The following ITPR2 variants were observed in gnomAD, a reference collection of about 807,000 sequenced individuals.
The protein encoded by ITPR2 is inositol 1,4,5-trisphosphate receptor type 2.
ITPR2 carries 207 observed loss-of-function variants against 317.1 expected under a neutral mutation model. The ratio of observed to expected loss-of-function variants is 0.65; its 90% CI spans 0.58 to 0.73. The LOEUF (loss-of-function observed/expected upper bound fraction) is 0.73, where lower values mean the gene tolerates loss of function less well. Ranked by LOEUF, ITPR2 falls within the 30% of genes least tolerant of loss-of-function variation. ITPR2 has a pLI of 0.00. For synonymous variants in ITPR2, 1,156 were observed against 1,149.1 expected, an observed-to-expected ratio of 1.01 and a Z score of -0.12; for missense variants, 2,613 against 3,284.0, an observed-to-expected ratio of 0.80 and a Z score of 4.99.
chr12:26,382,898 T>C (rs1241728009), intron 55 of ITPR2, among the ~76,000 whole-genome samples: 1 of 152,232 alleles, frequency 6.6e-6, no homozygotes, highest in Non-Finnish European at 1.5e-5. Context: ...AGATACAATA[T>C]TCTCTATTAT....
intron 56 of ITPR2, 56 bp from the exon 57 acceptor site, chr12:26,339,539 T>G: frequency 7.2e-7 from 1 of 1,381,274 alleles, no homozygotes. Flanking sequence ...TACCCAGTGC[T>G]GGTGGGCCAC....
rs149864720 is a variant in ITPR2 at position 26,430,048 on chromosome 12, G to C, written c.6770-1960C>G. The stretch of plus-strand genomic sequence containing the variant: ...AATTATAGTCAGGCACTTAAAATTG[G>C]GTGTTTGATCCCTTTGTGAAAAGAA... On this transcript the variant is annotated intron_variant, in intron 48 of 56. Coordinates refer to ENST00000381340, the MANE Select transcript of ITPR2 (RefSeq NM_002223.4). Among the ~76,000 whole-genome samples the C allele has an allele frequency of 2.7e-3, 417 of 152,200 alleles. 1 individual carries two copies. The highest frequency in any genetic ancestry group is 9.6e-3 in the African/African-American group (397 of 41,522).
intron 2 of ITPR2, among the ~76,000 whole-genome samples, chr12:26,745,486 G>C (rs2137091621): frequency 6.6e-6 from 1 of 152,314 alleles, no homozygotes; most frequent in East Asian, 1.9e-4. Flanking sequence ...CTATCTGCTT[G>C]TGAGGACAAT....
At chr12:26,713,129 A>G (rs1390658853) in intron 8 of ITPR2, among the ~76,000 whole-genome samples, 1 of 152,214 alleles carries the variant, frequency 6.6e-6, no homozygotes, top group Non-Finnish European at 1.5e-5. Flanking sequence ...GTGCGTGGGT[A>G]AGGACCCCTC....
At chr12:26,516,877 G>A (rs565959433) in intron 37 of ITPR2, among the ~76,000 whole-genome samples, 148 of 151,768 alleles carry the variant, frequency 9.8e-4, no homozygotes, top group African/African-American at 3.5e-3. Context: ...AAAGTTAAAA[G>A]AGAACGTAAA....
intron 55 of ITPR2, among the ~76,000 whole-genome samples, chr12:26,374,254 C>T (rs975210341): frequency 6.6e-6 from 1 of 152,232 alleles, no homozygotes; most frequent in Non-Finnish European, 1.5e-5. Flanking sequence ...CTCTGCCTGA[C>T]CTTCGCTTGA....
At chr12:26,442,404 T>C (rs1216613480) in intron 46 of ITPR2, among the ~76,000 whole-genome samples, 5 of 152,156 alleles carry the variant, frequency 3.3e-5, no homozygotes, top group South Asian at 4.1e-4. Context: ...AATGTGTGTA[T>C]TTATAGCTAA....
intron 2 of ITPR2, among the ~76,000 whole-genome samples, chr12:26,782,762 G>A (rs1458379180): frequency 6.6e-6 from 1 of 152,210 alleles, no homozygotes; most frequent in Non-Finnish European, 1.5e-5. Context: ...GTACAGTGTA[G>A]CATGTATTAC....
chr12:26,411,322 G>A lies in ITPR2; in HGVS notation c.7397C>T (p.Thr2466Ile). 1 of 1,610,474 alleles carries A rather than the reference G, an allele frequency of 6.2e-7. No individual in the cohort carries two copies. Among genetic ancestry groups the A allele is most frequent in the Non-Finnish European group, 8.5e-7 (1 of 1,176,938 alleles). Reference sequence around the variant, plus strand: ...GACCCAGAGTCCTTTCTACAAACCTGTATTTGAAGCTGGAATTGTGGGTGA... The same window carrying A: ...GACCCAGAGTCCTTTCTACAAACCTATATTTGAAGCTGGAATTGTGGGTGA... ...NCSPTIPASN[T>I]ADEEYEDGIE... The change falls in exon 52 of 57, where the codon ACA becomes ATA. Residue 2466 changes from threonine to isoleucine, a missense_variant and splice_region_variant. By Grantham distance (89) the Thr-to-Ile change is moderately conservative (BLOSUM62 -1). This residue lies in a region of ITPR2 where 113 missense variants were observed against 129.2 expected (regional missense o/e 0.87). Transcript: ENST00000381340.
At chr12:26,374,404 T>C (rs1296539646) in intron 55 of ITPR2, among the ~76,000 whole-genome samples, 2 of 152,242 alleles carry the variant, frequency 1.3e-5, no homozygotes, top group African/African-American at 2.4e-5. Flanking sequence ...GGGCGCAGCA[T>C]CTAGGACATT....
At position 26,832,710 on chromosome 12, in the gene ITPR2, G is replaced by T; in HGVS notation, c.72C>A (p.Asn24Lys). The T allele has an allele frequency of 6.2e-7, 1 of 1,600,004 alleles. No individual in the cohort carries two copies. The highest frequency in any genetic ancestry group is 1.4e-5 in the African/African-American group (1 of 72,890). ...CTTACCCCAAGGTGCTGATGAAGCC[G>T]TTGACCGAGCCCTCCGCGTACAGGG... is the stretch of plus-strand genomic sequence containing the variant. The part of the protein sequence containing the change: ...IVSLYAEGSV[N>K]GFISTLGLVD... The change falls in exon 1 of 57, where the codon AAC becomes AAA. Residue 24 changes from asparagine to lysine, a missense_variant. Coordinates refer to ENST00000381340, the MANE Select transcript of ITPR2 (RefSeq NM_002223.4).
At chr12:26,399,657 T>C (rs1004721500) in intron 53 of ITPR2, among the ~76,000 whole-genome samples, 6 of 152,210 alleles carry the variant, frequency 3.9e-5, no homozygotes, top group Admixed American at 1.3e-4. Context: ...ACTTGAGATT[T>C]TGCAGCTAGT....
At chr12:26,445,003 AG>A (rs1304805347) in intron 45 of ITPR2, among the ~76,000 whole-genome samples, 3 of 152,144 alleles carry the variant, frequency 2.0e-5, no homozygotes, top group Non-Finnish European at 4.4e-5. Flanking sequence ...TGTGACTTAC[AG>A]GGGTTTCTAA....
chr12:26,762,286 A>G (rs1016878401), intron 2 of ITPR2, among the ~76,000 whole-genome samples: 4 of 152,250 alleles, frequency 2.6e-5, no homozygotes, highest in African/African-American at 9.6e-5. Context: ...ATCATCACTG[A>G]AACACATTAA....
At chr12:26,553,604 G>T (rs1359196877) in intron 36 of ITPR2, among the ~76,000 whole-genome samples, 1 of 152,006 alleles carries the variant, frequency 6.6e-6, no homozygotes, top group Non-Finnish European at 1.5e-5. Flanking sequence ...GGCTAACACG[G>T]TGAAACCCTG....
At chr12:26,540,336 T>G (rs560102217) in intron 37 of ITPR2, among the ~76,000 whole-genome samples, 1 of 152,358 alleles carries the variant, frequency 6.6e-6, no homozygotes, top group East Asian at 1.9e-4. Context: ...AAATGGGAAA[T>G]ACTTCCTGGA....
intron 45 of ITPR2, among the ~76,000 whole-genome samples, chr12:26,466,243 T>C (rs977718534): frequency 1.3e-5 from 2 of 152,356 alleles, no homozygotes; most frequent in East Asian, 1.9e-4. Flanking sequence ...ATTTCATCTG[T>C]TGCGTTCTGC....
chr12:26,649,822 T>C (rs1466511), intron 21 of ITPR2, among the ~76,000 whole-genome samples: 15,850 of 119,290 alleles, frequency 0.13, 1,020 homozygotes, highest in East Asian at 0.32. Flanking sequence ...GATAGATAGA[T>C]AGACAGACAG....
In ITPR2 at chr12:26,487,280, A is replaced by G. The variant is rs755477758; in HGVS notation, c.5371-29T>C. The G allele has an allele frequency of 2.0e-5, 31 of 1,523,302 alleles. No homozygotes were observed. The African/African-American group carries it at 3.5e-4, about 17-fold the overall frequency. The allele number at this position is 1,523,302 out of a possible 1,614,324, so 94.4% of individuals were successfully genotyped here. A position where few individuals can be genotyped will look rare whatever the true frequency, so the allele number is the denominator to read the frequency against. Reference sequence around the variant, plus strand: ...CAAGAAAACATATTTTAAGACATCAATACCCAAGGGGAGACAAATGGTGTT... The same window carrying G: ...CAAGAAAACATATTTTAAGACATCAGTACCCAAGGGGAGACAAATGGTGTT... On this transcript the variant is annotated intron_variant, in intron 39 of 56. Coordinates refer to ENST00000381340, the MANE Select transcript of ITPR2 (RefSeq NM_002223.4).
Sources: gnomAD v4.1 joint callset for allele counts (sites outside exome capture counted in the v4.1 genomes callset) on GRCh38, gnomAD v4.1.1 for gene constraint, gnomAD v4.1.1 regional missense constraint, MANE v1.5 for transcripts, NCBI Gene and HGNC (gene_info 2026-07-23, HGNC 2026-07-21) for gene names.